KBTBD12: variants seen among roughly 807,000 people sequenced by gnomAD.
KBTBD12 encodes kelch repeat and BTB domain-containing protein 12.
In KBTBD12, 53 loss-of-function variants were observed where a neutral mutation model predicts 58.7. The observed-to-expected ratio is 0.90, with a 90% CI of 0.72 to 1.14. The LOEUF (loss-of-function observed/expected upper bound fraction) is 1.14. Ranked by LOEUF, KBTBD12 falls within the 50% of genes most tolerant of loss-of-function variation. The pLI, the probability that KBTBD12 is intolerant of heterozygous loss-of-function variation, is 0.00. For synonymous variants in KBTBD12, 236 were observed against 259.8 expected, an observed-to-expected ratio of 0.91 and a Z score of 0.88; for missense variants, 704 against 751.3, an observed-to-expected ratio of 0.94 and a Z score of 0.74.
intron 4 of KBTBD12, among the ~76,000 whole-genome samples, chr3:127,933,404 C>T (rs1336217103): frequency 6.6e-6 from 1 of 152,104 alleles, no homozygotes; most frequent in Non-Finnish European, 1.5e-5. Flanking sequence ...TAGGAAAAGC[C>T]TACAGTTCTC....
chr3:127,929,685 T>G (rs186422607), intron 3 of KBTBD12, among the ~76,000 whole-genome samples: 8 of 152,306 alleles, frequency 5.3e-5, no homozygotes, highest in African/African-American at 1.9e-4. Context: ...TTTGGCAACT[T>G]TGTTTCATGT....
rs1186287237 is a variant in KBTBD12, at chr3:127,939,343, G to T, written c.1492+9060G>T. 2.0e-5 allele frequency among the ~76,000 whole-genome samples: 3 copies of T among 152,270 alleles called. No homozygotes were observed. The East Asian group carries it at 5.8e-4, about 29-fold the overall frequency. ...ATGCAGAAATATATGGCAGAGAGGGGTAACTAGAACCTCAAGTTTCTAGCC... is the reference window on the plus strand; with the variant it reads ...ATGCAGAAATATATGGCAGAGAGGGTTAACTAGAACCTCAAGTTTCTAGCC... On this transcript the variant is annotated intron_variant, in intron 4 of 5. Transcript: ENST00000405109.
At chr3:127,962,080 A>G (rs1186796403) in intron 4 of KBTBD12, among the ~76,000 whole-genome samples, 1 of 152,196 alleles carries the variant, frequency 6.6e-6, no homozygotes, top group East Asian at 1.9e-4. Flanking sequence ...GAGCTGGTTT[A>G]CCTGAGGCCA....
intron 4 of KBTBD12, among the ~76,000 whole-genome samples, chr3:127,955,421 A>C (rs796216979): frequency 1.4e-4 from 22 of 152,370 alleles, no homozygotes; most frequent in African/African-American, 5.3e-4. Flanking sequence ...CTGCATTTCA[A>C]AGATAATTTT....
chr3:127,977,920 G>C (rs1940811393), intron 5 of KBTBD12, among the ~76,000 whole-genome samples: 1 of 152,118 alleles, frequency 6.6e-6, no homozygotes, highest in Admixed American at 6.5e-5. Flanking sequence ...GTCCAGAATG[G>C]TATTTCCTAG....
At chr3:127,943,878 G>C (rs957925731) in intron 4 of KBTBD12, among the ~76,000 whole-genome samples, 4 of 152,000 alleles carry the variant, frequency 2.6e-5, no homozygotes, top group Non-Finnish European at 4.4e-5. Flanking sequence ...TGTAAGATAA[G>C]GTCCAATTTC....
rs779729856 is a variant in KBTBD12 at position 127,960,949 on chromosome 3, A to G, written c.1493-2240A>G. On this transcript the variant is annotated intron_variant, in intron 4 of 5. Transcript: ENST00000405109. ...ATTCTGTATATGCGTCATGTTGGGGAAGTCTTCTAATGGGCTTTTATGTGA... is the reference window on the plus strand; with the variant it reads ...ATTCTGTATATGCGTCATGTTGGGGGAGTCTTCTAATGGGCTTTTATGTGA... Among the ~76,000 whole-genome samples, 190 of 152,292 alleles carry G rather than the reference A, an allele frequency of 1.2e-3. 3 individuals carry two copies. The highest frequency in any genetic ancestry group is 9.3e-4 in the Non-Finnish European group (63 of 68,020).
At position 127,945,776 on chromosome 3, in the gene KBTBD12, T is replaced by C. The variant is rs540248254; in HGVS notation, c.1492+15493T>C. The stretch of plus-strand genomic sequence containing the variant: ...TTACTACAACCTCCGCTTCCCAGGT[T>C]CAAGCGACTTTTCTGCCTTAGCCTC... On this transcript the variant is annotated intron_variant, in intron 4 of 5. Coordinates refer to ENST00000405109, the MANE Select transcript of KBTBD12 (RefSeq NM_207335.4). Among the ~76,000 whole-genome samples the C allele has an allele frequency of 2.5e-4, 38 of 151,574 alleles. 1 individual carries two copies. The East Asian group carries it at 7.4e-3, about 29-fold the overall frequency.
Position 127,985,125 on chromosome 3 carries a change from C to T in KBTBD12, c.*847C>T, listed in dbSNP as rs13063888. ...GTGTCCTGGAGTGGGCTGACCCAGG[C>T]TGCCTTTGCCCACCTCTCAGACACA... On this transcript the variant is annotated 3_prime_UTR_variant, in exon 6 of 6. Transcript: ENST00000405109. 31,551 of 152,110 alleles carry T rather than the reference C, an allele frequency of 0.21. 3,750 individuals are homozygous for T. Among genetic ancestry groups the T allele is most frequent in the East Asian group, 0.29 (1,511 of 5,136 alleles). The allele number at this position is 152,110 out of a possible 1,614,324, so 9.4% of individuals were successfully genotyped here.
Position 127,963,358 on chromosome 3 carries a change from C to CT in KBTBD12, c.1663dup (p.Tyr555LeufsTer13). On this transcript the variant is annotated frameshift_variant, in exon 5 of 6. Coordinates refer to ENST00000405109, the MANE Select transcript of KBTBD12 (RefSeq NM_207335.4). LOFTEE classifies it high-confidence loss of function. Reference sequence around the variant, plus strand: ...ATGCAGGGGCAGTGGATGGGAAACTCTATGTCTGCGGGGGATTCCATGGAG... The same window carrying CT: ...ATGCAGGGGCAGTGGATGGGAAACTCTTATGTCTGCGGGGGATTCCATGGAG... 2 of 1,611,780 alleles carry CT rather than the reference C, an allele frequency of 1.2e-6. No homozygotes were observed. The highest frequency in any genetic ancestry group is 1.7e-6 in the Non-Finnish European group (2 of 1,179,038).
chr3:127,941,525 C>T (rs1183969314), intron 4 of KBTBD12, among the ~76,000 whole-genome samples: 1 of 152,174 alleles, frequency 6.6e-6, no homozygotes, highest in Non-Finnish European at 1.5e-5. Context: ...AGAATTTCCT[C>T]AACCTCTCAA....
At chr3:127,930,620 T>G (rs1288855565) in intron 4 of KBTBD12, among the ~76,000 whole-genome samples, 1 of 152,194 alleles carries the variant, frequency 6.6e-6, no homozygotes, top group African/African-American at 2.4e-5. Context: ...ATGTGGGCTT[T>G]GCACCAACTG....
intron 4 of KBTBD12, among the ~76,000 whole-genome samples, chr3:127,954,813 C>G (rs1263023160): frequency 6.6e-6 from 1 of 152,238 alleles, no homozygotes; most frequent in East Asian, 1.9e-4. Context: ...CCTGAACATG[C>G]TTTCCTCCTG....
intron 4 of KBTBD12, among the ~76,000 whole-genome samples, chr3:127,937,666 A>C (rs1217464344): frequency 5.9e-5 from 9 of 152,188 alleles, no homozygotes. Flanking sequence ...GATTTTCTAA[A>C]ACCAGTGAAA....
intron 1 of KBTBD12, among the ~76,000 whole-genome samples, chr3:127,915,903 A>T (rs1576365599): frequency 6.6e-6 from 1 of 152,244 alleles, no homozygotes; most frequent in Non-Finnish European, 1.5e-5. Flanking sequence ...CTGTAAGCAC[A>T]ACAAAGGTAA....
At chr3:127,976,514 C>T (rs1333933020) in intron 5 of KBTBD12, among the ~76,000 whole-genome samples, 1 of 152,236 alleles carries the variant, frequency 6.6e-6, no homozygotes, top group African/African-American at 2.4e-5. Flanking sequence ...TGGAATATTA[C>T]ATAACTGATA....
At chr3:127,916,301 A>C (rs911436149) in intron 1 of KBTBD12, among the ~76,000 whole-genome samples, 1 of 152,168 alleles carries the variant, frequency 6.6e-6, no homozygotes, top group Non-Finnish European at 1.5e-5. Context: ...CACAGAGTAC[A>C]TTTAGGGTGG....
At chr3:127,969,655 G>C (rs991886879) in intron 5 of KBTBD12, among the ~76,000 whole-genome samples, 1 of 152,180 alleles carries the variant, frequency 6.6e-6, no homozygotes, top group Admixed American at 6.5e-5. Flanking sequence ...TGAGAGTTCA[G>C]AAATAATCCC....
At chr3:127,931,362 T>C (rs1189780313) in intron 4 of KBTBD12, among the ~76,000 whole-genome samples, 2 of 152,126 alleles carry the variant, frequency 1.3e-5, no homozygotes, top group African/African-American at 4.8e-5. Flanking sequence ...AGTTATGAGA[T>C]TCACTTATAA....
Sources: allele counts gnomAD v4.1 joint callset (sites outside exome capture counted in the v4.1 genomes callset), GRCh38; gene constraint gnomAD v4.1.1; transcripts MANE v1.5; gene names NCBI Gene and HGNC (gene_info 2026-07-23, HGNC 2026-07-21).